The following MPP7 variants were observed in gnomAD, a reference collection of about 807,000 sequenced individuals.
The protein encoded by MPP7 is MAGUK p55 scaffold protein 7, also known as MAGUK p55 subfamily member 7.
A neutral mutation model predicts 76.5 loss-of-function variants in MPP7; 60 were observed. That is an observed-to-expected ratio of 0.78 (90% CI 0.64 to 0.97). The LOEUF (loss-of-function observed/expected upper bound fraction) is 0.97. Among genes scored for constraint, MPP7 ranks in the 50% least tolerant of loss-of-function variants. MPP7 has a pLI of 0.00. For synonymous variants in MPP7, 237 were observed against 244.5 expected, an observed-to-expected ratio of 0.97 and a Z score of 0.29; for missense variants, 641 against 694.0, an observed-to-expected ratio of 0.92 and a Z score of 0.86.
At chr10:28,206,741 A>T (rs1415537104) in intron 2 of MPP7, among the ~76,000 whole-genome samples, 1 of 152,170 alleles carries the variant, frequency 6.6e-6, no homozygotes, top group African/African-American at 2.4e-5. Flanking sequence ...AGATGCTGTC[A>T]TGGGAAATCT....
At chr10:28,203,305 T>G (rs192572571) in intron 2 of MPP7, 24 of 152,256 alleles carry the variant, frequency 1.6e-4, no homozygotes, top group Admixed American at 1.3e-3. Flanking sequence ...TAGCAAAGAA[T>G]AGTAAATTAT....
chr10:28,089,909 A>C (rs1230094805), intron 11 of MPP7, 68 bp from the exon 12 acceptor site: 8 of 849,426 alleles, frequency 9.4e-6, no homozygotes, highest in Admixed American at 2.9e-5. Context: ...AAAAAAAAAA[A>C]CCCTCAGAGT....
At chr10:28,328,674 T>A (rs1005696480) in intron 2 of MPP7, among the ~76,000 whole-genome samples, 1 of 152,014 alleles carries the variant, frequency 6.6e-6, no homozygotes, top group Non-Finnish European at 1.5e-5. Flanking sequence ...ACCAAAATTA[T>A]AACTATATTG....
At chr10:28,310,432 C>T (rs1294445387) in intron 2 of MPP7, among the ~76,000 whole-genome samples, 1 of 152,176 alleles carries the variant, frequency 6.6e-6, no homozygotes, top group Non-Finnish European at 1.5e-5. Context: ...GCCTGCATCT[C>T]CTCCTGTTGC....
chr10:28,333,928 C>A (rs185152223), intron 1 of MPP7, among the ~76,000 whole-genome samples: 1 of 152,112 alleles, frequency 6.6e-6, no homozygotes, highest in African/African-American at 2.4e-5. Context: ...TGCGGTGGCT[C>A]GTGCCTGTAA....
intron 13 of MPP7, among the ~76,000 whole-genome samples, chr10:28,060,986 C>T (rs1220880948): frequency 6.6e-6 from 1 of 152,154 alleles, no homozygotes; most frequent in East Asian, 1.9e-4. Flanking sequence ...CTAATCCTTG[C>T]ATCCTAACAG....
intron 5 of MPP7, 35 bp from the exon 6 acceptor site, chr10:28,131,726 TATAC>T: frequency 8.0e-7 from 1 of 1,245,550 alleles, no homozygotes; most frequent in Non-Finnish European, 1.1e-6. Context: ...AATAAGTAAA[TATAC>T]ATACTTATAT....
chr10:28,320,722 G>A (rs1300238766), intron 2 of MPP7, among the ~76,000 whole-genome samples: 1 of 151,862 alleles, frequency 6.6e-6, no homozygotes, highest in Non-Finnish European at 1.5e-5. Flanking sequence ...AATCAGTGTT[G>A]TTCAGTTGTC....
At chr10:28,157,943 C>A (rs1160399710) in intron 3 of MPP7, among the ~76,000 whole-genome samples, 1 of 152,134 alleles carries the variant, frequency 6.6e-6, no homozygotes, top group Non-Finnish European at 1.5e-5. Context: ...TATCTGTTTA[C>A]ACCCCCATCG....
chr10:28,183,071 G>A (rs749863664), intron 3 of MPP7, among the ~76,000 whole-genome samples: 8 of 152,018 alleles, frequency 5.3e-5, no homozygotes, highest in Non-Finnish European at 7.4e-5. Flanking sequence ...AGAGCGAAAC[G>A]CCATCTCAAA....
chr10:28,193,509 C>T (rs1564691716), intron 3 of MPP7, among the ~76,000 whole-genome samples: 2 of 152,018 alleles, frequency 1.3e-5, no homozygotes, highest in Admixed American at 1.3e-4. Context: ...CCATGACTGG[C>T]CTGACAATGA....
At chr10:28,334,627 C>T (rs541096458), upstream of MPP7, 2 of 152,300 alleles carry the variant, frequency 1.3e-5, no homozygotes, top group South Asian at 4.1e-4. Flanking sequence ...GGTTAAAATG[C>T]TGTGTGGAAT....
intron 12 of MPP7, among the ~76,000 whole-genome samples, chr10:28,089,386 T>A (rs752217490): frequency 6.6e-6 from 1 of 152,150 alleles, no homozygotes; most frequent in Non-Finnish European, 1.5e-5. Context: ...TCACTTCTAT[T>A]ATTTAATTGC....
At chr10:28,182,454 T>C (rs1054298684) in intron 3 of MPP7, among the ~76,000 whole-genome samples, 2 of 152,232 alleles carry the variant, frequency 1.3e-5, no homozygotes, top group Non-Finnish European at 2.9e-5. Context: ...TGGCAATATC[T>C]ACTAAAGTGT....
chr10:28,136,131 G>A lies in MPP7; in HGVS notation c.316-4440C>T, dbSNP rs193261152. On this transcript the variant is annotated intron_variant, in intron 5 of 16. Coordinates refer to ENST00000683449, the MANE Select transcript of MPP7 (RefSeq NM_001318170.2). Reference sequence around the variant, plus strand: ...ATCTAATGCTTGATGATCTGTCGCCGTCTCCCATCACCACTACATGGGATC... The same window carrying A: ...ATCTAATGCTTGATGATCTGTCGCCATCTCCCATCACCACTACATGGGATC... Among the ~76,000 whole-genome samples the A allele has an allele frequency of 4.0e-3, 606 of 151,628 alleles. 2 individuals carry two copies. The highest frequency in any genetic ancestry group is 5.7e-3 in the Non-Finnish European group (390 of 67,914).
intron 3 of MPP7, among the ~76,000 whole-genome samples, chr10:28,160,059 G>GC (rs1836206107): frequency 6.6e-6 from 1 of 151,276 alleles, no homozygotes; most frequent in Non-Finnish European, 1.5e-5. Flanking sequence ...TTATTCATTG[G>GC]CAACAATACA....
At chr10:28,090,973 C>T (rs889403878) in intron 11 of MPP7, among the ~76,000 whole-genome samples, 1 of 151,942 alleles carries the variant, frequency 6.6e-6, no homozygotes, top group African/African-American at 2.4e-5. Context: ...ATGGAGAAAC[C>T]CCATCTCTAC....
At chr10:28,217,526 C>CAAAAA (rs773506497) in intron 2 of MPP7, among the ~76,000 whole-genome samples, 5 of 58,832 alleles carry the variant, frequency 8.5e-5, no homozygotes, top group Non-Finnish European at 1.1e-4. Context: ...GACTCTGTCT[C>CAAAAA]AAAAAAAAAA....
At chr10:28,311,578 C>T (rs1841289607) in intron 2 of MPP7, among the ~76,000 whole-genome samples, 1 of 151,476 alleles carries the variant, frequency 6.6e-6, no homozygotes, top group Non-Finnish European at 1.5e-5. Context: ...ATATATATGT[C>T]CATTTGATTG....
Sources: allele counts gnomAD v4.1 joint callset (sites outside exome capture counted in the v4.1 genomes callset), GRCh38; gene constraint gnomAD v4.1.1; transcripts MANE v1.5; gene names NCBI Gene and HGNC (gene_info 2026-07-23, HGNC 2026-07-21).